The following GALNT17 variants were observed in gnomAD, a reference collection of about 807,000 sequenced individuals.
GALNT17 encodes the protein polypeptide N-acetylgalactosaminyltransferase 17.
A neutral mutation model predicts 63.7 loss-of-function variants in GALNT17; 29 were observed. The observed-to-expected ratio is 0.46, with a 90% CI of 0.34 to 0.62. The LOEUF (loss-of-function observed/expected upper bound fraction) is 0.62. GALNT17 is among the 20% of genes least tolerant of loss of function. The pLI is 0.01. For missense variants in GALNT17, 603 were observed against 799.6 expected, an observed-to-expected ratio of 0.75 and a Z score of 2.97; for synonymous variants, 305 against 318.3, an observed-to-expected ratio of 0.96 and a Z score of 0.45.
intron 6 of GALNT17, among the ~76,000 whole-genome samples, chr7:71,643,179 C>A (rs1313654264): frequency 2.0e-5 from 3 of 151,928 alleles, no homozygotes; most frequent in Non-Finnish European, 4.4e-5. Flanking sequence ...TATCAAAACC[C>A]AGCCACAGGC....
At chr7:71,343,395 T>G (rs1350178312) in intron 2 of GALNT17, among the ~76,000 whole-genome samples, 4 of 152,240 alleles carry the variant, frequency 2.6e-5, no homozygotes, top group Non-Finnish European at 5.9e-5. Context: ...ATTGCTATAT[T>G]ACACTTGAGA....
chr7:71,133,873 C>T (rs976247943), intron 1 of GALNT17, among the ~76,000 whole-genome samples: 2 of 152,106 alleles, frequency 1.3e-5, no homozygotes, highest in African/African-American at 4.8e-5. Flanking sequence ...TTCCAGGATG[C>T]GTGGGGTTAT....
At chr7:71,490,608 T>C (rs1355809330) in intron 5 of GALNT17, among the ~76,000 whole-genome samples, 1 of 151,880 alleles carries the variant, frequency 6.6e-6, no homozygotes, top group Admixed American at 6.6e-5. Flanking sequence ...CTACAAAATA[T>C]AAACAAATTA....
chr7:71,411,039 A>T (rs1050932612), intron 3 of GALNT17, among the ~76,000 whole-genome samples: 2 of 152,160 alleles, frequency 1.3e-5, no homozygotes, highest in African/African-American at 4.8e-5. Flanking sequence ...AGAAAGTAAG[A>T]TGTTTTTCTT....
At position 71,494,958 on chromosome 7, in the gene GALNT17, T is replaced by C. The variant is rs190488337; in HGVS notation, c.962+73853T>C. ...CAACTGCCCCCATGATTCAATTGTC[T>C]CCACCTGGTACAAATCAAGGTGAGA... On this transcript the variant is annotated intron_variant, in intron 5 of 10. Transcript: ENST00000333538. Among the ~76,000 whole-genome samples, 21 of 152,244 alleles carry C rather than the reference T, an allele frequency of 1.4e-4. No homozygotes were observed. The East Asian group carries it at 3.9e-3, about 28-fold the overall frequency.
At chr7:71,490,473 C>T (rs1335747628) in intron 5 of GALNT17, among the ~76,000 whole-genome samples, 1 of 152,104 alleles carries the variant, frequency 6.6e-6, no homozygotes, top group Non-Finnish European at 1.5e-5. Flanking sequence ...GGGACACACA[C>T]AGGCAGTGGG....
intron 1 of GALNT17, among the ~76,000 whole-genome samples, chr7:71,184,939 ACTTCCTTC>A (rs1164312541): frequency 0.16 from 10,379 of 64,016 alleles, 1,013 homozygotes; most frequent in African/African-American, 0.27. Context: ...TCCCTTCCTC[ACTTCCTTC>A]CTTCCTTCCT....
At chr7:71,667,266 A>G (rs1489602081) in intron 7 of GALNT17, among the ~76,000 whole-genome samples, 2 of 152,264 alleles carry the variant, frequency 1.3e-5, no homozygotes, top group African/African-American at 4.8e-5. Context: ...AATTTATTCA[A>G]TGTTGTTATA....
At position 71,377,085 on chromosome 7, in the gene GALNT17, C is replaced by CAAAAAAA. The variant is rs34111153; in HGVS notation, c.423-11141_423-11135dup. ...CGGGCAACAGAGCGATATTCCATCT[C>CAAAAAAA]AAAAAAAAAAAAAAATAAAAATAAA... On this transcript the variant is annotated intron_variant, in intron 2 of 10. Coordinates refer to ENST00000333538, the MANE Select transcript of GALNT17 (RefSeq NM_022479.3). Among the ~76,000 whole-genome samples the CAAAAAAA allele has an allele frequency of 1.3e-3, 25 of 18,536 alleles. 2 individuals are homozygous for CAAAAAAA. The highest frequency in any genetic ancestry group is 2.2e-3 in the Non-Finnish European group (23 of 10,506). 12.2% of individuals were successfully genotyped at this position (18,536 alleles called of 152,430 possible).
At chr7:71,691,906 TTC>T in intron 9 of GALNT17, among the ~76,000 whole-genome samples, 1 of 147,596 alleles carries the variant, frequency 6.8e-6, no homozygotes, top group East Asian at 2.0e-4. Flanking sequence ...CTTTCTCTCT[TTC>T]TCTCTTTCTT....
intron 2 of GALNT17, among the ~76,000 whole-genome samples, chr7:71,346,200 CAG>C (rs886564712): frequency 4.6e-5 from 7 of 151,488 alleles, no homozygotes; most frequent in African/African-American, 1.7e-4. Flanking sequence ...GTACATGTGA[CAG>C]TGTGTGTGTA....
intron 1 of GALNT17, among the ~76,000 whole-genome samples, chr7:71,229,201 G>A (rs1461224169): frequency 6.6e-5 from 10 of 152,192 alleles, no homozygotes; most frequent in African/African-American, 1.4e-4. Context: ...CAAGAGAATC[G>A]TGAAGGATGT....
chr7:71,183,994 A>C (rs144593340), intron 1 of GALNT17, among the ~76,000 whole-genome samples: 1 of 152,294 alleles, frequency 6.6e-6, no homozygotes, highest in East Asian at 1.9e-4. Flanking sequence ...AATTCATATG[A>C]AGTCCTAACC....
chr7:71,367,761 G>A (rs1431271761), intron 2 of GALNT17, among the ~76,000 whole-genome samples: 1 of 152,212 alleles, frequency 6.6e-6, no homozygotes, highest in Non-Finnish European at 1.5e-5. Context: ...TTGTAGTTCT[G>A]ATGATTTAGG....
At chr7:71,391,022 C>T (rs1013538732) in intron 3 of GALNT17, among the ~76,000 whole-genome samples, 3 of 152,196 alleles carry the variant, frequency 2.0e-5, no homozygotes, top group South Asian at 2.1e-4. Flanking sequence ...TACTAGCTGT[C>T]GCACTTACTA....
chr7:71,370,674 G>T (rs1407207969), intron 2 of GALNT17, among the ~76,000 whole-genome samples: 2 of 151,958 alleles, frequency 1.3e-5, no homozygotes, highest in Non-Finnish European at 2.9e-5. Flanking sequence ...CGCCATGTTG[G>T]CCAGGCTGGT....
chr7:71,695,085 A>G (rs1337331455), intron 9 of GALNT17, among the ~76,000 whole-genome samples: 1 of 152,162 alleles, frequency 6.6e-6, no homozygotes. Flanking sequence ...TGCTTTGAAG[A>G]TGTGCTTAGG....
intron 5 of GALNT17, among the ~76,000 whole-genome samples, chr7:71,462,066 T>A (rs897461989): frequency 1.3e-5 from 2 of 152,140 alleles, no homozygotes; most frequent in African/African-American, 4.8e-5. Context: ...TACTCTGCGA[T>A]GGTGGGAGTG....
chr7:71,707,945 T>C (rs1436354995), intron 9 of GALNT17, among the ~76,000 whole-genome samples: 1 of 152,254 alleles, frequency 6.6e-6, no homozygotes, highest in Non-Finnish European at 1.5e-5. Context: ...CAAAGCCATC[T>C]TGCCATGGGT....
Sources: gnomAD v4.1 joint callset for allele counts (sites outside exome capture counted in the v4.1 genomes callset) on GRCh38, gnomAD v4.1.1 for gene constraint, MANE v1.5 for transcripts, NCBI Gene and HGNC (gene_info 2026-07-23, HGNC 2026-07-21) for gene names.